The following CNTNAP1 variants were observed in gnomAD, a reference collection of about 807,000 sequenced individuals.
The protein encoded by CNTNAP1 is contactin-associated protein 1.
In CNTNAP1, 80 loss-of-function variants were observed where a neutral mutation model predicts 161.5. The ratio of observed to expected loss-of-function variants is 0.50; its 90% confidence interval spans 0.41 to 0.60. The LOEUF is 0.60. Ranked by LOEUF, CNTNAP1 falls within the 20% of genes least tolerant of loss-of-function variation. The pLI, the probability that CNTNAP1 is intolerant of heterozygous loss-of-function variation, is 0.00. For missense variants in CNTNAP1, 1,464 were observed against 1,854.8 expected, an observed-to-expected ratio of 0.79 and a Z score of 3.87; for synonymous variants, 695 against 733.1, an observed-to-expected ratio of 0.95 and a Z score of 0.84.
Position 42,692,628 on chromosome 17 carries a change from C to T in CNTNAP1, c.2660C>T (p.Ala887Val), listed in dbSNP as rs754439008. Residue 887 changes from alanine to valine, a missense_variant, in exon 17 of 24, where the codon GCC becomes GTC. Ala to Val is a moderately conservative substitution (Grantham distance 64). Transcript: ENST00000264638. Reference protein sequence around the residue: ...LVRAEINVKQARLRVDHRPWV... With the variant: ...LVRAEINVKQVRLRVDHRPWV... ...CGGGCTGAAATCAACGTGAAGCAGG[C>T]CCGGCTCCGAGTGGATCACCGGCCC... is the stretch of plus-strand genomic sequence containing the variant. 1.3e-4 allele frequency: 206 copies of T among 1,614,058 alleles called. No homozygotes were observed. Among genetic ancestry groups the T allele is most frequent in the Non-Finnish European group, 1.7e-4 (200 of 1,180,050 alleles).
Position 42,691,790 on chromosome 17 carries a change from C to G in CNTNAP1, c.2345-16C>G, listed in dbSNP as rs1212785432. 6.2e-7 allele frequency: 1 copy of G among 1,613,496 alleles called. No homozygotes were observed. The highest frequency in any genetic ancestry group is 1.1e-5 in the South Asian group (1 of 91,050). On this transcript the variant is annotated splice_polypyrimidine_tract_variant and intron_variant, in intron 15 of 23. Transcript: ENST00000264638. This position sits in a 1 kb window ranked among gnomAD's most constrained non-coding sequence, Gnocchi z 4.3. ...CCAATCTCCCTGACAAGACCTTCCT[C>G]CATCTGCTTTTCTAGGAAATTCCTG... is the stretch of plus-strand genomic sequence containing the variant.
In CNTNAP1 at chr17:42,697,218, A is replaced by T. The variant is rs1312436920; in HGVS notation, c.3475-56A>T. The T allele has an allele frequency of 4.8e-6, 6 of 1,238,168 alleles. No homozygotes were observed. In the East Asian group the frequency reaches 1.2e-4, roughly 24 times the overall value. 76.7% of individuals were successfully genotyped at this position (1,238,168 alleles called of 1,614,324 possible). A position where few individuals can be genotyped will look rare whatever the true frequency, so the allele number is the denominator to read the frequency against. ...CACAGTTCCAGTCCAGCCCACAGGC[A>T]TCTGCTTCTGGTCCCCGCTCCCTCA... On this transcript the variant is annotated intron_variant, in intron 20 of 23. Coordinates refer to ENST00000264638, the MANE Select transcript of CNTNAP1 (RefSeq NM_003632.3).
intron 20 of CNTNAP1, 104 bp downstream of exon 20, chr17:42,696,256 A>T (rs559422029): frequency 6.9e-7 from 1 of 1,449,914 alleles, no homozygotes; most frequent in East Asian, 2.3e-5. Context: ...TCACATTTGA[A>T]TGTATAGAGG....
rs758252855 is a variant in CNTNAP1 at position 42,697,376 on chromosome 17, C to A, written c.3568+9C>A. On this transcript the variant is annotated intron_variant, in intron 21 of 23. Coordinates refer to ENST00000264638, the MANE Select transcript of CNTNAP1 (RefSeq NM_003632.3). ...TTTAGGGCGTGTGATGGGTAAGCTG[C>A]GGGTGCGGACGCGTTTTAGGCAAGG... 8.7e-6 allele frequency: 14 copies of A among 1,613,334 alleles called. No homozygotes were observed. The South Asian group carries it at 1.1e-4, about 13-fold the overall frequency.
At position 42,691,863 on chromosome 17, in the gene CNTNAP1, TCCGTG is replaced by T; in HGVS notation, c.2405_2409del (p.Arg802GlnfsTer50). Reference sequence around the variant, plus strand: ...GGGGCTGCACTACGCTTCCCCCCAATCCGTGCCAACCACAGCCTGGATGTCTCCTT... The same window carrying T: ...GGGGCTGCACTACGCTTCCCCCCAATCCAACCACAGCCTGGATGTCTCCTT... On this transcript the variant is annotated frameshift_variant, in exon 16 of 24. Transcript: ENST00000264638. LOFTEE classifies it high-confidence loss of function. This position sits in a 1 kb window ranked among gnomAD's most constrained non-coding sequence, Gnocchi z 4.3. 6.2e-7 allele frequency: 1 copy of T among 1,614,116 alleles called. No homozygotes were observed. The highest frequency in any genetic ancestry group is 8.5e-7 in the Non-Finnish European group (1 of 1,180,020).
In CNTNAP1 at chr17:42,691,502, T is replaced by C. The variant is rs1263886169; in HGVS notation, c.2335T>C (p.Tyr779His). 6.2e-7 allele frequency: 1 copy of C among 1,614,080 alleles called. No individual in the cohort carries two copies. Residue 779 changes from tyrosine to histidine, a missense_variant, in exon 15 of 24, where the codon TAT becomes CAT. Around this residue, in one of 3 missense-constraint regions of CNTNAP1, gnomAD observed 1,383 missense variants for 1,765.0 expected, o/e 0.78. Coordinates refer to ENST00000264638, the MANE Select transcript of CNTNAP1 (RefSeq NM_003632.3). The surrounding 1 kb of genome is among the most constrained non-coding windows in gnomAD (Gnocchi z 4.3). ...AQFFLRPLRCYGDRNSWNTIS... is the reference protein window; with the variant it reads ...AQFFLRPLRCHGDRNSWNTIS... ...GTTCTTCCTGAGGCCTCTGCGCTGC[T>C]ATGGCGATCGTGAGTGGCAGTCCCC...
Position 42,682,850 on chromosome 17 carries a change from C to T in CNTNAP1, c.21C>T (p.Phe7=). The change falls in exon 1 of 24, where the codon TTC becomes TTT. Residue 7 remains phenylalanine (F), a synonymous_variant. Coordinates refer to ENST00000264638, the MANE Select transcript of CNTNAP1 (RefSeq NM_003632.3). MMHLRL[F]CILLAAVSGA... ...CCTGCATGATGCATCTCCGGCTCTTCTGCATCCTGCTCGCCGCGGTCTCAG... is the reference window on the plus strand; with the variant it reads ...CCTGCATGATGCATCTCCGGCTCTTTTGCATCCTGCTCGCCGCGGTCTCAG... 1 of 1,593,238 alleles carries T rather than the reference C, an allele frequency of 6.3e-7. No homozygotes were observed. Among genetic ancestry groups the T allele is most frequent in the Non-Finnish European group, 8.5e-7 (1 of 1,171,064 alleles).
Position 42,685,477 on chromosome 17 carries a change from C to G in CNTNAP1, c.715+57C>G. ...CAACCCCTGAAGCTCTCTCACCGCC[C>G]TCCTCGTGGCACCTCCTCCGCGCAT... On this transcript the variant is annotated intron_variant, in intron 5 of 23. Coordinates refer to ENST00000264638, the MANE Select transcript of CNTNAP1 (RefSeq NM_003632.3). The surrounding 1 kb of genome is among the most constrained non-coding windows in gnomAD (Gnocchi z 5.0). 6.6e-7 allele frequency: 1 copy of G among 1,508,544 alleles called. No homozygotes were observed. Among genetic ancestry groups the G allele is most frequent in the Middle Eastern group, 2.1e-4 (1 of 4,782 alleles). 93.4% of individuals were successfully genotyped at this position (1,508,544 alleles called of 1,614,324 possible).
Position 42,692,593 on chromosome 17 carries a change from G to A in CNTNAP1, c.2625G>A (p.Trp875Ter). 1 of 1,614,194 alleles carries A rather than the reference G, an allele frequency of 6.2e-7. No homozygotes were observed. The highest frequency in any genetic ancestry group is 8.5e-7 in the Non-Finnish European group (1 of 1,180,046). The change falls in exon 17 of 24, where the codon TGG (tryptophan) becomes TGA (stop). Residue 875 changes from tryptophan (W) to a stop codon, truncating the protein, a stop_gained. Coordinates refer to ENST00000264638, the MANE Select transcript of CNTNAP1 (RefSeq NM_003632.3). LOFTEE classifies it high-confidence loss of function. Reference sequence around the variant, plus strand: ...ACTTTGAGTTCAATGATGACGAGTGGCACCTGGTCCGGGCTGAAATCAACG... The same window carrying A: ...ACTTTGAGTTCAATGATGACGAGTGACACCTGGTCCGGGCTGAAATCAACG... Reference protein sequence around the residue: ...SDDFEFNDDEWHLVRAEINVK... With the variant: ...SDDFEFNDDE
chr17:42,691,341 A>T lies in CNTNAP1; in HGVS notation c.2217-43A>T. 6.2e-7 allele frequency: 1 copy of T among 1,613,854 alleles called. No individual in the cohort carries two copies. Among genetic ancestry groups the T allele is most frequent in the East Asian group, 2.2e-5 (1 of 44,876 alleles). On this transcript the variant is annotated intron_variant, in intron 14 of 23. Coordinates refer to ENST00000264638, the MANE Select transcript of CNTNAP1 (RefSeq NM_003632.3). The surrounding 1 kb of genome is among the most constrained non-coding windows in gnomAD (Gnocchi z 4.3). ...TTTTTAGGACTCCGGGAGTGGGAGG[A>T]GCTGAGTGGCTGGGGCTGAGCCATG...
chr17:42,698,588 G>T (rs747684078), intron 23 of CNTNAP1, 30 bp from the exon 24 acceptor site: 5 of 1,531,530 alleles, frequency 3.3e-6, no homozygotes, highest in Admixed American at 3.5e-5. Flanking sequence ...AGATCCCAAA[G>T]ATCTGAATTG....
At chr17:42,690,421 G>T (rs1248307947) in intron 12 of CNTNAP1, among the ~76,000 whole-genome samples, 1 of 151,846 alleles carries the variant, frequency 6.6e-6, no homozygotes, top group Non-Finnish European at 1.5e-5. Flanking sequence ...CTACTCGGGA[G>T]GTTGAGGCAG....
chr17:42,682,859 G>A lies in CNTNAP1; in HGVS notation c.30G>A (p.Leu10=). Residue 10 remains leucine (L), a synonymous_variant, in exon 1 of 24, where the codon CTG becomes CTA. Coordinates refer to ENST00000264638, the MANE Select transcript of CNTNAP1 (RefSeq NM_003632.3). The part of the protein sequence containing the change: MMHLRLFCI[L]LAAVSGAEGW... ...TGCATCTCCGGCTCTTCTGCATCCT[G>A]CTCGCCGCGGTCTCAGGAGCCGAGG... The A allele has an allele frequency of 1.3e-6, 2 of 1,597,252 alleles. No homozygotes were observed. The highest frequency in any genetic ancestry group is 1.7e-5 in the Admixed American group (1 of 58,008).
At chr17:42,692,139 T>C in intron 16 of CNTNAP1, 148 bp downstream of exon 16, 1 of 881,850 alleles carries the variant, frequency 1.1e-6, no homozygotes. Context: ...TAGCCCTCAC[T>C]CGGTCTTGAC....
chr17:42,691,696 A>T lies in CNTNAP1; in HGVS notation c.2345-110A>T. On this transcript the variant is annotated intron_variant, in intron 15 of 23. Coordinates refer to ENST00000264638, the MANE Select transcript of CNTNAP1 (RefSeq NM_003632.3). This position sits in a 1 kb window ranked among gnomAD's most constrained non-coding sequence, Gnocchi z 4.3. ...TCCACTCCTTAGTCTCCCCTCCGTCACCTCAAACCCTCCCCCTTTGCCCAA... is the reference window on the plus strand; with the variant it reads ...TCCACTCCTTAGTCTCCCCTCCGTCTCCTCAAACCCTCCCCCTTTGCCCAA... 1 of 1,343,032 alleles carries T rather than the reference A, an allele frequency of 7.4e-7. No individual in the cohort carries two copies. The highest frequency in any genetic ancestry group is 1.0e-6 in the Non-Finnish European group (1 of 955,748). The allele number at this position is 1,343,032 out of a possible 1,614,324, so 83.2% of individuals were successfully genotyped here.
chr17:42,697,378 G>A lies in CNTNAP1; in HGVS notation c.3568+11G>A. ...TAGGGCGTGTGATGGGTAAGCTGCGGGTGCGGACGCGTTTTAGGCAAGGAG... is the reference window on the plus strand; with the variant it reads ...TAGGGCGTGTGATGGGTAAGCTGCGAGTGCGGACGCGTTTTAGGCAAGGAG... On this transcript the variant is annotated intron_variant, in intron 21 of 23. Transcript: ENST00000264638. 1 of 1,613,802 alleles carries A rather than the reference G, an allele frequency of 6.2e-7. No homozygotes were observed. The highest frequency in any genetic ancestry group is 8.5e-7 in the Non-Finnish European group (1 of 1,179,728).
In CNTNAP1 at chr17:42,685,150, G is replaced by A; in HGVS notation, c.511+12G>A. On this transcript the variant is annotated intron_variant, in intron 4 of 23. Transcript: ENST00000264638. The surrounding 1 kb of genome is among the most constrained non-coding windows in gnomAD (Gnocchi z 5.0). Reference sequence around the variant, plus strand: ...TGGCTGCCCATACAGTAAGTGTGCAGAGAGCGCGGAGGGGGCCTGGGAGAC... The same window carrying A: ...TGGCTGCCCATACAGTAAGTGTGCAAAGAGCGCGGAGGGGGCCTGGGAGAC... The A allele has an allele frequency of 6.2e-7, 1 of 1,602,896 alleles. No homozygotes were observed. The highest frequency in any genetic ancestry group is 8.5e-7 in the Non-Finnish European group (1 of 1,173,536).
intron 1 of CNTNAP1, 70 bp downstream of exon 1, chr17:42,682,966 CGCATTGCGGCTGGGTGGTCGCG>C: frequency 7.1e-7 from 1 of 1,416,370 alleles, no homozygotes. Context: ...GGCCCCGAAC[CGCATTGCGGCTGGGTGGTCGCG>C]GGTCCTTCCC....
intron 22 of CNTNAP1, 40 bp from the exon 23 acceptor site, chr17:42,697,863 T>C (rs1194973655): frequency 1.9e-6 from 3 of 1,614,042 alleles, no homozygotes; most frequent in Non-Finnish European, 2.5e-6. Flanking sequence ...ATTCTTAACA[T>C]GGAGGAGGCA....
Sources: gnomAD v4.1 joint callset for allele counts (sites outside exome capture counted in the v4.1 genomes callset) on GRCh38, gnomAD v4.1.1 for gene constraint, gnomAD v4.1.1 regional missense constraint, Gnocchi (gnomAD v3.1) non-coding constraint, MANE v1.5 for transcripts, NCBI Gene and HGNC (gene_info 2026-07-23, HGNC 2026-07-21) for gene names.